Variants in SEC23B observed in about 807,000 individuals in gnomAD.
SEC23B encodes the protein protein transport protein Sec23B.
A neutral mutation model predicts 104.3 loss-of-function variants in SEC23B; 77 were observed. That is an observed-to-expected ratio of 0.74 (90% confidence interval 0.61 to 0.89). The LOEUF is 0.89. SEC23B is among the 40% of genes least tolerant of loss of function. SEC23B has a pLI of 0.00. For synonymous variants in SEC23B, 338 were observed against 332.5 expected, an observed-to-expected ratio of 1.02 and a Z score of -0.18; for missense variants, 885 against 949.4, an observed-to-expected ratio of 0.93 and a Z score of 0.89.
At chr20:18,552,012 G>A (rs1230046283) in intron 17 of SEC23B, among the ~76,000 whole-genome samples, 1 of 152,134 alleles carries the variant, frequency 6.6e-6, no homozygotes, top group Non-Finnish European at 1.5e-5. Context: ...TCTCAGTGGG[G>A]TTCATGCCCT....
At chr20:18,543,837 G>A (rs2060310159) in intron 14 of SEC23B, among the ~76,000 whole-genome samples, 1 of 152,188 alleles carries the variant, frequency 6.6e-6, no homozygotes, top group Non-Finnish European at 1.5e-5. Context: ...AGAATTTGAA[G>A]AAAATCCACC....
intron 14 of SEC23B, among the ~76,000 whole-genome samples, chr20:18,544,238 G>A (rs113715311): frequency 1.3e-5 from 2 of 152,338 alleles, no homozygotes; most frequent in African/African-American, 4.8e-5. Context: ...GAAAGGCCCA[G>A]TAGGGAAACC....
intron 16 of SEC23B, among the ~76,000 whole-genome samples, chr20:18,550,459 A>C (rs2060377659): frequency 1.3e-5 from 2 of 152,148 alleles, no homozygotes; most frequent in Admixed American, 6.6e-5. Flanking sequence ...GCCCAGCCAT[A>C]ATTTATATTT....
At chr20:18,542,257 C>A (rs116354019) in intron 12 of SEC23B, 39 bp from the exon 13 acceptor site, 2 of 1,554,878 alleles carry the variant, frequency 1.3e-6, no homozygotes, top group South Asian at 1.1e-5. Context: ...GTTTGAGTTG[C>A]GCCTATAACA....
chr20:18,545,849 A>C, intron 14 of SEC23B, 107 bp from the exon 15 acceptor site: 1 of 768,818 alleles, frequency 1.3e-6, no homozygotes. Context: ...GGCAGAGTTC[A>C]GACTGGATGT....
chr20:18,541,157 G>C (rs1451480039), intron 12 of SEC23B, among the ~76,000 whole-genome samples: 1 of 152,234 alleles, frequency 6.6e-6, no homozygotes, highest in Non-Finnish European at 1.5e-5. Context: ...CCAGCTTCCA[G>C]CTTTCTCCTG....
At chr20:18,549,480 T>C (rs1223793950) in intron 16 of SEC23B, among the ~76,000 whole-genome samples, 1 of 151,772 alleles carries the variant, frequency 6.6e-6, no homozygotes, top group East Asian at 1.9e-4. Context: ...CAGTCCAAGA[T>C]TGGTTGAATT....
intron 4 of SEC23B, among the ~76,000 whole-genome samples, chr20:18,521,110 G>A (rs2060080073): frequency 6.6e-6 from 1 of 152,198 alleles, no homozygotes; most frequent in Admixed American, 6.5e-5. Flanking sequence ...TGCGGTTTAG[G>A]CGTTTGGAGT....
intron 17 of SEC23B, 121 bp downstream of exon 17, chr20:18,551,296 C>G: frequency 1.6e-6 from 1 of 643,464 alleles, no homozygotes; most frequent in Non-Finnish European, 2.7e-6. Flanking sequence ...GTTTTCTTCT[C>G]TTATTTATTA....
intron 15 of SEC23B, among the ~76,000 whole-genome samples, chr20:18,547,498 C>T (rs985790406): frequency 3.9e-5 from 6 of 152,168 alleles, no homozygotes; most frequent in Admixed American, 2.0e-4. Flanking sequence ...TGAAAGTCTG[C>T]CCCCACCCCT....
At chr20:18,529,230 ATGTGACCAAAGAGTGGAAC>A (rs1041682736) in intron 9 of SEC23B, among the ~76,000 whole-genome samples, 3 of 152,216 alleles carry the variant, frequency 2.0e-5, no homozygotes, top group African/African-American at 7.2e-5. Flanking sequence ...TTTGTTCTGT[ATGTGACCAAAGAGTGGAAC>A]TAGAACCAAA....
intron 9 of SEC23B, 126 bp downstream of exon 9, chr20:18,527,737 T>G: frequency 1.3e-6 from 1 of 773,090 alleles, no homozygotes; most frequent in East Asian, 2.5e-5. Flanking sequence ...TGGGCTATGG[T>G]TTCAGTGACT....
At chr20:18,510,773 T>C (rs1009563752) in intron 1 of SEC23B, 49 bp from the exon 2 acceptor site, 11 of 1,410,118 alleles carry the variant, frequency 7.8e-6, no homozygotes, top group African/African-American at 1.4e-5. Flanking sequence ...TTTTGACATT[T>C]AGTTCAGAAT....
intron 4 of SEC23B, 72 bp downstream of exon 4, chr20:18,515,808 T>C (rs2060019786): frequency 1.0e-6 from 1 of 1,000,232 alleles, no homozygotes; most frequent in Non-Finnish European, 1.6e-6. Flanking sequence ...TTGTCTTCCA[T>C]GTCTCTTACC....
rs185728311 is a variant in SEC23B, at chr20:18,535,010, C to T, written c.1315-643C>T. 6.5e-4 allele frequency among the ~76,000 whole-genome samples: 99 copies of T among 152,226 alleles called. 1 individual carries two copies. Among genetic ancestry groups the T allele is most frequent in the Middle Eastern group, 3.4e-3 (1 of 294 alleles). ...GGCCACTACAAGGAAGGTGAACCCC[C>T]GTGAATCCATCTATCTTATTATCTA... On this transcript the variant is annotated intron_variant, in intron 11 of 19. Transcript: ENST00000650089.
intron 1 of SEC23B, among the ~76,000 whole-genome samples, chr20:18,509,201 C>T (rs1246482621): frequency 6.6e-6 from 1 of 152,150 alleles, no homozygotes; most frequent in Non-Finnish European, 1.5e-5. Flanking sequence ...CTTGCCGTTG[C>T]CAGAAATAAA....
At chr20:18,554,497 G>A in intron 18 of SEC23B, 107 bp downstream of exon 18, 2 of 1,370,966 alleles carry the variant, frequency 1.5e-6, no homozygotes, top group Non-Finnish European at 2.1e-6. Context: ...GACATAAATT[G>A]ACACACAGGT....
chr20:18,512,334 T>C (rs1274529168), intron 3 of SEC23B, 52 bp downstream of exon 3: 10 of 1,201,506 alleles, frequency 8.3e-6, no homozygotes, highest in Non-Finnish European at 9.7e-6. Context: ...AGTTGTATTA[T>C]GAAAAAAATT....
chr20:18,545,959 CAA>C lies in SEC23B; in HGVS notation c.1672_1673del (p.Lys558ValfsTer5). ...TTTTGGTATTTTCTTTCCATAGTGT[CAA>C]AAGTTTGGACAGTATAACAAAGAAG... is the stretch of plus-strand genomic sequence containing the variant. ...WLDRQLIRLCQKFGQYNKEDP... is the reference protein window; with the variant it reads ...WLDRQLIRLCXKFGQYNKEDP... On this transcript the variant is annotated frameshift_variant, in exon 15 of 20. Coordinates refer to ENST00000650089, the MANE Select transcript of SEC23B (RefSeq NM_006363.6). LOFTEE classifies it high-confidence loss of function. The C allele has an allele frequency of 1.9e-6, 3 of 1,569,240 alleles. No homozygotes were observed. Among genetic ancestry groups the C allele is most frequent in the Non-Finnish European group, 2.6e-6 (3 of 1,139,214 alleles).
Sources: allele counts gnomAD v4.1 joint callset (sites outside exome capture counted in the v4.1 genomes callset), GRCh38; gene constraint gnomAD v4.1.1; transcripts MANE v1.5; gene names NCBI Gene and HGNC (gene_info 2026-07-23, HGNC 2026-07-21).